The following HDAC9 variants were observed in gnomAD, a reference collection of about 807,000 sequenced individuals.
HDAC9 encodes histone deacetylase 9, also known as MEF-2 interacting transcription repressor (MITR) protein.
Under a neutral mutation model 139.4 loss-of-function variants are expected in HDAC9, and 41 were observed. The observed-to-expected ratio is 0.29, with a 90% CI of 0.23 to 0.38. The LOEUF is 0.38. HDAC9 is among the 10% of genes least tolerant of loss of function. The pLI is 1.00. For missense variants in HDAC9, 1,147 were observed against 1,297.0 expected (o/e 0.88, Z 1.78); for synonymous variants, 517 against 476.2 (o/e 1.09, Z -1.12).
chr7:18,507,485 A>G (rs1256659513), intron 2 of HDAC9, among the ~76,000 whole-genome samples: 1 of 150,224 alleles, frequency 6.7e-6, no homozygotes, highest in Non-Finnish European at 1.5e-5. Flanking sequence ...GAGCCACCGC[A>G]CCCGGCTATT....
At chr7:18,792,420 T>C (rs1256878828) in intron 16 of HDAC9, among the ~76,000 whole-genome samples, 1 of 152,140 alleles carries the variant, frequency 6.6e-6, no homozygotes, top group East Asian at 1.9e-4. Context: ...TACCATCTGG[T>C]ACTGTTTTTT....
At chr7:18,933,136 C>G (rs538137480) in intron 22 of HDAC9, among the ~76,000 whole-genome samples, 1 of 152,248 alleles carries the variant, frequency 6.6e-6, no homozygotes, top group East Asian at 1.9e-4. Context: ...ATACGATAGA[C>G]TGATAGCTTA....
intron 24 of HDAC9, among the ~76,000 whole-genome samples, chr7:18,962,929 T>C (rs771840157): frequency 6.6e-6 from 1 of 152,138 alleles, no homozygotes; most frequent in Non-Finnish European, 1.5e-5. Flanking sequence ...AAGATTTTAA[T>C]CCTGGTCTTA....
intron 13 of HDAC9, among the ~76,000 whole-genome samples, chr7:18,728,084 C>G (rs1354857068): frequency 2.0e-5 from 3 of 152,162 alleles, no homozygotes; most frequent in Non-Finnish European, 4.4e-5. Context: ...TGCCCAGTCA[C>G]TAGGAAATTG....
intron 22 of HDAC9, among the ~76,000 whole-genome samples, chr7:18,906,003 T>C (rs971574681): frequency 3.3e-5 from 5 of 151,110 alleles, no homozygotes; most frequent in African/African-American, 4.9e-5. Context: ...CTCTCTCTCT[T>C]TATTTTTTCT....
At chr7:18,176,446 A>G (rs17138719) in intron 2 of HDAC9, among the ~76,000 whole-genome samples, 7,889 of 152,326 alleles carry the variant, frequency 0.052, 224 homozygotes, top group African/African-American at 0.065. Flanking sequence ...GTTCATGGAC[A>G]TGTAAATTTT....
chr7:18,425,502 T>A (rs542638091), intron 1 of HDAC9, among the ~76,000 whole-genome samples: 11 of 152,186 alleles, frequency 7.2e-5, no homozygotes, highest in Non-Finnish European at 1.3e-4. Context: ...ATGAAGCTTG[T>A]CAACTAAATT....
intron 15 of HDAC9, among the ~76,000 whole-genome samples, chr7:18,766,324 C>T (rs977058245): frequency 6.6e-6 from 1 of 152,064 alleles, no homozygotes; most frequent in Non-Finnish European, 1.5e-5. Context: ...TTTCTCTATT[C>T]ATGTAGTAGA....
intron 8 of HDAC9, among the ~76,000 whole-genome samples, chr7:18,641,118 C>G (rs925344931): frequency 1.1e-4 from 17 of 152,188 alleles, no homozygotes; most frequent in Non-Finnish European, 2.2e-4. Context: ...CATTCTCACT[C>G]TTTTAATTGA....
chr7:18,316,145 A>G (rs1799621025), intron 1 of HDAC9, among the ~76,000 whole-genome samples: 1 of 152,262 alleles, frequency 6.6e-6, no homozygotes, highest in Non-Finnish European at 1.5e-5. Flanking sequence ...ACACTGATTC[A>G]TTTTATTTAG....
Position 18,466,403 on chromosome 7 carries a change from C to T in HDAC9, c.-41-29859C>T, listed in dbSNP as rs116413384. ...ATGGAGATGAGTTTTGCTGTGTTGC[C>T]CAGGCTGGTTTCAAACTCCTTAACT... is the stretch of plus-strand genomic sequence containing the variant. On this transcript the variant is annotated intron_variant, in intron 1 of 3. Coordinates refer to the HDAC9 transcript ENST00000413509. Among the ~76,000 whole-genome samples the T allele has an allele frequency of 9.5e-3, 1,445 of 152,186 alleles. 18 individuals are homozygous for T. Among genetic ancestry groups the T allele is most frequent in the African/African-American group, 0.033 (1,379 of 41,524 alleles).
intron 1 of HDAC9, among the ~76,000 whole-genome samples, chr7:18,417,004 G>T (rs1207227561): frequency 6.6e-6 from 1 of 152,018 alleles, no homozygotes; most frequent in Non-Finnish European, 1.5e-5. Flanking sequence ...TGAGTTTATA[G>T]ATTTCATTAA....
At chr7:18,502,301 T>C (rs1311630459) in intron 2 of HDAC9, 1 of 152,164 alleles carries the variant, frequency 6.6e-6, no homozygotes, top group Admixed American at 6.5e-5. Context: ...CATCCTTTAT[T>C]CTATATTGAC....
intron 17 of HDAC9, among the ~76,000 whole-genome samples, chr7:18,818,506 G>T (rs1468917829): frequency 6.6e-6 from 1 of 152,124 alleles, no homozygotes; most frequent in Admixed American, 6.5e-5. Context: ...GTTTATAAAT[G>T]TCACATAGAC....
At chr7:18,878,778 T>C (rs1228300979) in intron 22 of HDAC9, among the ~76,000 whole-genome samples, 1 of 151,456 alleles carries the variant, frequency 6.6e-6, no homozygotes, top group Non-Finnish European at 1.5e-5. Context: ...TCTCTACCAC[T>C]CCTATTCAAC....
chr7:18,249,117 A>G (rs1794748634), intron 2 of HDAC9, among the ~76,000 whole-genome samples: 1 of 152,174 alleles, frequency 6.6e-6, no homozygotes, highest in African/African-American at 2.4e-5. Flanking sequence ...TTAATCTTTA[A>G]CTTATATTCT....
chr7:18,105,592 C>A (rs1294975585), intron 1 of HDAC9, among the ~76,000 whole-genome samples: 1 of 146,970 alleles, frequency 6.8e-6, no homozygotes, highest in Non-Finnish European at 1.5e-5. Flanking sequence ...ATGTGGATTT[C>A]ATCTACATCT....
intron 1 of HDAC9, among the ~76,000 whole-genome samples, chr7:18,142,285 C>T (rs1441606185): frequency 6.6e-6 from 1 of 152,146 alleles, no homozygotes; most frequent in Non-Finnish European, 1.5e-5. Flanking sequence ...CCCAATGAAA[C>T]AACCCTTGAA....
chr7:18,791,451 A>G (rs1417520325), intron 16 of HDAC9, among the ~76,000 whole-genome samples: 1 of 152,200 alleles, frequency 6.6e-6, no homozygotes, highest in East Asian at 1.9e-4. Flanking sequence ...TTGTGCAGTC[A>G]TCTTCCTTAA....
Sources: allele counts gnomAD v4.1 joint callset (sites outside exome capture counted in the v4.1 genomes callset), GRCh38; gene constraint gnomAD v4.1.1; transcripts MANE v1.5; gene names NCBI Gene and HGNC (gene_info 2026-07-23, HGNC 2026-07-21).